The following AKAP6 variants were observed in gnomAD, a reference collection of about 807,000 sequenced individuals.
The protein encoded by AKAP6 is A-kinase anchoring protein 6.
Under a neutral mutation model 188.5 loss-of-function variants are expected in AKAP6, and 58 were observed. The ratio of observed to expected loss-of-function variants is 0.31; its 90% CI spans 0.25 to 0.38. The LOEUF (loss-of-function observed/expected upper bound fraction) is 0.38, where lower values mean the gene tolerates loss of function less well. Ranked by LOEUF, AKAP6 falls within the 10% of genes least tolerant of loss-of-function variation. The pLI is 1.00. For synonymous variants in AKAP6, 989 were observed against 998.6 expected, an observed-to-expected ratio of 0.99 and a Z score of 0.18; for missense variants, 2,710 against 2,740.0, an observed-to-expected ratio of 0.99 and a Z score of 0.24.
chr14:32,501,400 T>A (rs1211042570), intron 2 of AKAP6, among the ~76,000 whole-genome samples: 1 of 152,080 alleles, frequency 6.6e-6, no homozygotes, highest in Non-Finnish European at 1.5e-5. Context: ...CAGAATCCAG[T>A]CAGCAGACAA....
chr14:32,607,816 G>C (rs1389124303), intron 7 of AKAP6, among the ~76,000 whole-genome samples: 1 of 152,138 alleles, frequency 6.6e-6, no homozygotes, highest in African/African-American at 2.4e-5. Context: ...ATCCGATCTG[G>C]TTCCTTTCCT....
chr14:32,361,946 T>C (rs1887679242), intron 1 of AKAP6, among the ~76,000 whole-genome samples: 1 of 147,406 alleles, frequency 6.8e-6, no homozygotes, highest in African/African-American at 2.5e-5. Flanking sequence ...CTTTTCTGAG[T>C]TTTTTTTTTT....
chr14:32,451,113 A>G (rs1890921380), intron 2 of AKAP6, among the ~76,000 whole-genome samples: 1 of 152,226 alleles, frequency 6.6e-6, no homozygotes, highest in African/African-American at 2.4e-5. Context: ...TACTTTGTGC[A>G]GGTCTGAAAG....
At chr14:32,784,411 G>A (rs2033342073) in intron 12 of AKAP6, among the ~76,000 whole-genome samples, 1 of 152,110 alleles carries the variant, frequency 6.6e-6, no homozygotes, top group Non-Finnish European at 1.5e-5. Flanking sequence ...CTACTGAACA[G>A]GTTCAGTCTA....
intron 7 of AKAP6, among the ~76,000 whole-genome samples, chr14:32,638,226 A>C (rs907497241): frequency 2.6e-5 from 4 of 152,022 alleles, no homozygotes; most frequent in Admixed American, 1.3e-4. Context: ...GTGAAAAGAC[A>C]TAAGAAGGTC....
At chr14:32,554,594 AT>A (rs1406616392) in intron 4 of AKAP6, among the ~76,000 whole-genome samples, 2 of 152,204 alleles carry the variant, frequency 1.3e-5, no homozygotes, top group African/African-American at 2.4e-5. Context: ...CAATAATCAC[AT>A]ATGCAAATAA....
At chr14:32,736,415 A>G (rs1176647534) in intron 11 of AKAP6, among the ~76,000 whole-genome samples, 1 of 152,200 alleles carries the variant, frequency 6.6e-6, no homozygotes, top group African/African-American at 2.4e-5. Context: ...CCTGAGCAAT[A>G]CAATATTCAT....
intron 12 of AKAP6, among the ~76,000 whole-genome samples, chr14:32,808,553 A>G (rs1244463552): frequency 6.6e-6 from 1 of 152,232 alleles, no homozygotes; most frequent in Non-Finnish European, 1.5e-5. Flanking sequence ...CTCACAAAGC[A>G]AAAGTAGAGA....
chr14:32,582,041 T>A (rs952402406), intron 5 of AKAP6, among the ~76,000 whole-genome samples: 19 of 151,998 alleles, frequency 1.3e-4, no homozygotes, highest in African/African-American at 4.3e-4. Flanking sequence ...GTCATTATGA[T>A]GTTAGCTGGT....
At chr14:32,773,657 T>C (rs2273163) in intron 11 of AKAP6, 21 bp from the exon 12 acceptor site, 1,066,400 of 1,606,294 alleles carry the variant, frequency 0.66, 360,289 homozygotes, top group Admixed American at 0.73. Flanking sequence ...ACTCATAGAT[T>C]GGTTTCTCTC....
chr14:32,810,763 A>G (rs12587939), intron 12 of AKAP6, among the ~76,000 whole-genome samples: 26,055 of 152,082 alleles, frequency 0.17, 2,753 homozygotes, highest in African/African-American at 0.29. Flanking sequence ...AGTTATCTTT[A>G]TGAGAGGCTA....
chr14:32,344,964 A>T (rs1009859447), intron 1 of AKAP6, among the ~76,000 whole-genome samples: 1 of 150,314 alleles, frequency 6.7e-6, no homozygotes, highest in Non-Finnish European at 1.5e-5. Context: ...AAGCAGAATG[A>T]TGGTATAGAG....
Position 32,831,328 on chromosome 14 carries a change from A to G in AKAP6, c.*1523A>G, listed in dbSNP as rs531937967. 5.3e-5 allele frequency: 8 copies of G among 152,214 alleles called. No homozygotes were observed. Among genetic ancestry groups the G allele is most frequent in the Non-Finnish European group, 1.2e-4 (8 of 68,036 alleles). 9.4% of individuals were successfully genotyped at this position (152,214 alleles called of 1,614,324 possible). A position where few individuals can be genotyped will look rare whatever the true frequency, so the allele number is the denominator to read the frequency against. ...AAGTGCCTGACACAGTAGGTATTCA[A>G]TAAAAATTTACTGAATTAAAGGATT... On this transcript the variant is annotated 3_prime_UTR_variant, in exon 14 of 14. Coordinates refer to ENST00000280979, the MANE Select transcript of AKAP6 (RefSeq NM_004274.5).
At chr14:32,555,058 G>C (rs1883630943) in intron 4 of AKAP6, among the ~76,000 whole-genome samples, 1 of 152,182 alleles carries the variant, frequency 6.6e-6, no homozygotes, top group African/African-American at 2.4e-5. Context: ...TTTTGTCCTA[G>C]AGACATCTAT....
chr14:32,685,130 G>T (rs1027288071), intron 8 of AKAP6, among the ~76,000 whole-genome samples: 1 of 151,998 alleles, frequency 6.6e-6, no homozygotes, highest in Non-Finnish European at 1.5e-5. Flanking sequence ...TGGGCATGGT[G>T]GTTTGCATCT....
intron 9 of AKAP6, among the ~76,000 whole-genome samples, chr14:32,708,941 C>G (rs1890927080): frequency 6.6e-6 from 1 of 152,016 alleles, no homozygotes; most frequent in South Asian, 2.1e-4. Flanking sequence ...AAGACCCATT[C>G]TGTGAAGTAA....
chr14:32,823,470 A>G lies in AKAP6; in HGVS notation c.5657A>G (p.Asn1886Ser). The G allele has an allele frequency of 6.2e-7, 1 of 1,613,608 alleles. No homozygotes were observed. The highest frequency in any genetic ancestry group is 2.2e-5 in the East Asian group (1 of 44,856). ...AATAAGAAAACTATTTTCAAAGTTAATAAAGATCCATATGTGGCTGACATG... is the reference window on the plus strand; with the variant it reads ...AATAAGAAAACTATTTTCAAAGTTAGTAAAGATCCATATGTGGCTGACATG... ...RENKKTIFKV[N>S]KDPYVADMEN... The change falls in exon 13 of 14, where the codon AAT becomes AGT. Residue 1886 changes from asparagine (N) to serine (S), a missense_variant. Around this residue, in one of 2 missense-constraint regions of AKAP6, gnomAD observed 2,473 missense variants for 2,426.1 expected, o/e 1.02. Transcript: ENST00000280979.
chr14:32,732,986 C>T lies in AKAP6; in HGVS notation c.3147+386C>T, dbSNP rs2031253552. Reference sequence around the variant, plus strand: ...CATGTGAGAGACATCTACTGTTTAACTATTTACTGTACCCTTAAGATGAAA... The same window carrying T: ...CATGTGAGAGACATCTACTGTTTAATTATTTACTGTACCCTTAAGATGAAA... On this transcript the variant is annotated intron_variant, in intron 10 of 13. Transcript: ENST00000280979. 17 of 321,802 alleles carry T rather than the reference C, an allele frequency of 5.3e-5. No individual in the cohort carries two copies. In the South Asian group the frequency reaches 1.1e-3, roughly 21 times the overall value. 19.9% of individuals were successfully genotyped at this position (321,802 alleles called of 1,614,324 possible). A position where few individuals can be genotyped will look rare whatever the true frequency, so the allele number is the denominator to read the frequency against.
intron 7 of AKAP6, among the ~76,000 whole-genome samples, chr14:32,676,441 G>T (rs182666514): frequency 5.6e-4 from 85 of 152,074 alleles, no homozygotes; most frequent in Middle Eastern, 3.4e-3. Context: ...TTAACATTCT[G>T]CATACCTCCT....
Sources: allele counts gnomAD v4.1 joint callset (sites outside exome capture counted in the v4.1 genomes callset), GRCh38; gene constraint gnomAD v4.1.1; regional missense constraint gnomAD v4.1.1; transcripts MANE v1.5; gene names NCBI Gene and HGNC (gene_info 2026-07-23, HGNC 2026-07-21).